SERINC5: variants seen among roughly 807,000 people sequenced by gnomAD.
SERINC5 encodes serine incorporator 5, also known as chromosome 5 open reading frame 12.
SERINC5 carries 41 observed loss-of-function variants against 63.1 expected under a neutral mutation model. The ratio of observed to expected loss-of-function variants is 0.65; its 90% CI spans 0.51 to 0.84. The LOEUF is 0.84. Among genes scored for constraint, SERINC5 ranks in the 40% least tolerant of loss-of-function variants. The probability of loss-of-function intolerance (pLI) is 0.00; values close to 1 mark genes in which losing one functional copy is unlikely to be tolerated. For synonymous variants in SERINC5, 222 were observed against 215.2 expected (o/e 1.03, Z -0.28); for missense variants, 523 against 573.0 (o/e 0.91, Z 0.89).
chr5:80,138,489 G>A (rs533255594), downstream of SERINC5, among the ~76,000 whole-genome samples: 2 of 152,132 alleles, frequency 1.3e-5, no homozygotes, highest in African/African-American at 4.8e-5. Context: ...CCAGCTACTC[G>A]GGAGGTTGAG....
At chr5:80,119,602 G>A (rs1385581546) in intron 11 of SERINC5, among the ~76,000 whole-genome samples, 2 of 152,200 alleles carry the variant, frequency 1.3e-5, no homozygotes, top group Non-Finnish European at 2.9e-5. Flanking sequence ...AGCTACACTG[G>A]AGAAGTTCCA....
chr5:80,251,247 C>A (rs1580225361), intron 1 of SERINC5, among the ~76,000 whole-genome samples: 6 of 151,866 alleles, frequency 4.0e-5, no homozygotes. Context: ...CCACTGCAAT[C>A]CAGCCTGGGC....
At chr5:80,183,421 A>G (rs1748582671) in intron 2 of SERINC5, among the ~76,000 whole-genome samples, 1 of 152,068 alleles carries the variant, frequency 6.6e-6, no homozygotes, top group African/African-American at 2.4e-5. Context: ...TTGCTTTAGA[A>G]CAGCAATTGG....
At chr5:80,239,836 G>A (rs1751872239) in intron 1 of SERINC5, among the ~76,000 whole-genome samples, 1 of 152,094 alleles carries the variant, frequency 6.6e-6, no homozygotes, top group Non-Finnish European at 1.5e-5. Flanking sequence ...TCCTGCCTCT[G>A]GAGTTGTTTG....
chr5:80,172,470 G>GAAAA (rs1747731773), intron 5 of SERINC5, among the ~76,000 whole-genome samples: 1 of 152,298 alleles, frequency 6.6e-6, no homozygotes, highest in East Asian at 1.9e-4. Flanking sequence ...AAACCTCACA[G>GAAAA]AAAAAGCAAC....
intron 1 of SERINC5, among the ~76,000 whole-genome samples, chr5:80,223,240 A>T (rs1006361644): frequency 6.6e-6 from 1 of 152,226 alleles, no homozygotes; most frequent in Non-Finnish European, 1.5e-5. Flanking sequence ...GACTGGTTCC[A>T]GGACCCCTCG....
At chr5:80,171,768 C>T (rs1747674362) in intron 5 of SERINC5, among the ~76,000 whole-genome samples, 1 of 151,980 alleles carries the variant, frequency 6.6e-6, no homozygotes, top group Non-Finnish European at 1.5e-5. Context: ...AATTAGCCAG[C>T]TTCTTGGGAG....
intron 1 of SERINC5, among the ~76,000 whole-genome samples, chr5:80,217,808 T>C (rs1397863007): frequency 6.6e-6 from 1 of 152,146 alleles, no homozygotes; most frequent in Non-Finnish European, 1.5e-5. Context: ...TCCCAAAACC[T>C]GCACTGGAAG....
intron 7 of SERINC5, among the ~76,000 whole-genome samples, chr5:80,166,111 C>T (rs1376129363): frequency 6.6e-6 from 1 of 152,170 alleles, no homozygotes; most frequent in Non-Finnish European, 1.5e-5. Flanking sequence ...TACAAGCAAT[C>T]CAATTATACT....
downstream of SERINC5, among the ~76,000 whole-genome samples, chr5:80,138,094 A>G (rs571215067): frequency 1.3e-5 from 2 of 152,028 alleles, no homozygotes; most frequent in African/African-American, 2.4e-5. Context: ...TTACTGATCC[A>G]TGAAATCTTA....
At chr5:80,224,126 T>C (rs1434416751) in intron 1 of SERINC5, among the ~76,000 whole-genome samples, 6 of 67,170 alleles carry the variant, frequency 8.9e-5, no homozygotes, top group African/African-American at 2.5e-4. Context: ...AGAACAAAAC[T>C]CCGTCTCAAA....
intron 9 of SERINC5, among the ~76,000 whole-genome samples, chr5:80,150,548 G>A (rs542062599): frequency 1.6e-4 from 24 of 152,266 alleles, no homozygotes; most frequent in East Asian, 1.9e-4. Context: ...TGATTCTCGC[G>A]TCTCAGCCTC....
At position 80,230,459 on chromosome 5, in the gene SERINC5, A is replaced by AAAAAAAAAAAAAAAAAAAAG. The variant is rs70982042; in HGVS notation, c.27+25436_27+25437insCTTTTTTTTTTTTTTTTTTT. 2.0e-4 allele frequency among the ~76,000 whole-genome samples: 26 copies of AAAAAAAAAAAAAAAAAAAAG among 128,614 alleles called. 1 individual carries two copies. Among genetic ancestry groups the AAAAAAAAAAAAAAAAAAAAG allele is most frequent in the African/African-American group, 8.1e-4 (26 of 32,004 alleles). The allele number at this position is 128,614 out of a possible 152,430, so 84.4% of individuals were successfully genotyped here. A position where few individuals can be genotyped will look rare whatever the true frequency, so the allele number is the denominator to read the frequency against. ...CAAGACTGTCACAAAAAAAAAAAAA[A>AAAAAAAAAAAAAAAAAAAAG]AAAGAAACCATTGCTCTTCAAATTT... On this transcript the variant is annotated intron_variant, in intron 1 of 11. Coordinates refer to ENST00000507668, the MANE Select transcript of SERINC5 (RefSeq NM_001174072.3).
In SERINC5 at chr5:80,141,166, T is replaced by A. The variant is rs1202820543; in HGVS notation, c.*2497A>T. 3.0e-6 allele frequency: 3 copies of A among 985,286 alleles called. No individual in the cohort carries two copies. In the East Asian group the frequency reaches 3.4e-4, roughly 112 times the overall value. The allele number at this position is 985,286 out of a possible 1,614,324, so 61.0% of individuals were successfully genotyped here. ...TCAGATACATCCACATCTGTTTTGT[T>A]CATCCAGATACACGTGCTAACATTT... On this transcript the variant is annotated 3_prime_UTR_variant, in exon 12 of 12. Transcript: ENST00000507668.
At chr5:80,154,565 C>A (rs780959417) in intron 8 of SERINC5, among the ~76,000 whole-genome samples, 3 of 152,128 alleles carry the variant, frequency 2.0e-5, no homozygotes, top group Non-Finnish European at 2.9e-5. Context: ...AAATCTCCCC[C>A]TCTCCTGGTG....
chr5:80,136,466 C>A (rs1345925218), downstream of SERINC5, among the ~76,000 whole-genome samples: 1 of 152,094 alleles, frequency 6.6e-6, no homozygotes. Flanking sequence ...ATAAATGGTG[C>A]TGGGAAAACT....
At chr5:80,237,490 C>T (rs1179357381) in intron 1 of SERINC5, among the ~76,000 whole-genome samples, 4 of 151,898 alleles carry the variant, frequency 2.6e-5, no homozygotes, top group South Asian at 2.1e-4. Flanking sequence ...CACGCCACCA[C>T]GCCCATCTAA....
intron 11 of SERINC5, among the ~76,000 whole-genome samples, chr5:80,113,999 A>G (rs1314474878): frequency 6.6e-6 from 1 of 151,970 alleles, no homozygotes; most frequent in African/African-American, 2.4e-5. Context: ...GGTGTCCTCA[A>G]GATAACCCGA....
Position 80,177,875 on chromosome 5 carries a change from A to G in SERINC5, c.374+11T>C, listed in dbSNP as rs1360144772. On this transcript the variant is annotated intron_variant, in intron 3 of 11. Coordinates refer to ENST00000507668, the MANE Select transcript of SERINC5 (RefSeq NM_001174072.3). Reference sequence around the variant, plus strand: ...GGAGAAAGCAATCCCCAAGAAGACTAAAATACTTACCCATTGTGAATATGA... The same window carrying G: ...GGAGAAAGCAATCCCCAAGAAGACTGAAATACTTACCCATTGTGAATATGA... The G allele has an allele frequency of 6.3e-7, 1 of 1,596,686 alleles. No individual in the cohort carries two copies. Among genetic ancestry groups the G allele is most frequent in the South Asian group, 1.1e-5 (1 of 88,146 alleles).
Sources: allele counts gnomAD v4.1 joint callset (sites outside exome capture counted in the v4.1 genomes callset), GRCh38; gene constraint gnomAD v4.1.1; transcripts MANE v1.5; gene names NCBI Gene and HGNC (gene_info 2026-07-23, HGNC 2026-07-21).